STAB1: variants seen among roughly 807,000 people sequenced by gnomAD.
STAB1 encodes stabilin-1.
A neutral mutation model predicts 332.4 loss-of-function variants in STAB1; 250 were observed. That is an observed-to-expected ratio of 0.75 (90% confidence interval 0.68 to 0.84). The LOEUF is 0.84. Ranked by LOEUF, STAB1 falls within the 40% of genes least tolerant of loss-of-function variation. STAB1 has a pLI of 0.00. For missense variants in STAB1, 3,249 were observed against 3,489.7 expected (o/e 0.93, Z 1.74); for synonymous variants, 1,475 against 1,390.4 (o/e 1.06, Z -1.35).
rs747000405 is a variant in STAB1 at position 52,501,225 on chromosome 3, G to A, written c.138G>A (p.Ser46=). ...TTFVTHVPCT[S]CAAIKKQTCP... ...TTGTCACTCATGTACCCTGCACCTC[G>A]TGCGCGGCCATCAAGAAGCAGACGT... is the stretch of plus-strand genomic sequence containing the variant. Residue 46 remains serine (S), a synonymous_variant, in exon 2 of 69, where the codon TCG becomes TCA. Coordinates refer to ENST00000321725, the MANE Select transcript of STAB1 (RefSeq NM_015136.3). 5.6e-6 allele frequency: 9 copies of A among 1,613,664 alleles called. No individual in the cohort carries two copies. In the Admixed American group the frequency reaches 6.7e-5, roughly 12 times the overall value.
At chr3:52,513,302 G>C in intron 30 of STAB1, 61 bp downstream of exon 30, 1 of 1,457,790 alleles carries the variant, frequency 6.9e-7, no homozygotes, top group South Asian at 1.3e-5. Context: ...GAGCCTGAGT[G>C]GCTGCAGGCT....
chr3:52,506,419 C>A (rs1380016398), intron 17 of STAB1, among the ~76,000 whole-genome samples, 169 bp downstream of exon 17: 2 of 152,208 alleles, frequency 1.3e-5, no homozygotes, highest in African/African-American at 2.4e-5. Flanking sequence ...TGCTGGGGCC[C>A]AATGAGAGTT....
chr3:52,501,114 A>G, intron 1 of STAB1, 52 bp from the exon 2 acceptor site: 3 of 1,593,610 alleles, frequency 1.9e-6, no homozygotes, highest in Non-Finnish European at 1.7e-6. Context: ...GGACAGGGTC[A>G]GGACTGGGCG....
At chr3:52,519,629 T>A in intron 50 of STAB1, 65 bp downstream of exon 50, 1 of 1,598,712 alleles carries the variant, frequency 6.3e-7, no homozygotes, top group Non-Finnish European at 8.6e-7. Flanking sequence ...TGCAAGTGTG[T>A]ATGCGTACCT....
intron 14 of STAB1, 72 bp downstream of exon 14, chr3:52,505,453 T>C: frequency 6.7e-7 from 1 of 1,497,368 alleles, no homozygotes; most frequent in East Asian, 2.4e-5. Context: ...TATCCCAGAT[T>C]CTGCCCCACA....
intron 7 of STAB1, 56 bp downstream of exon 7, chr3:52,503,165 G>A: frequency 6.6e-6 from 10 of 1,517,886 alleles, no homozygotes; most frequent in Non-Finnish European, 8.9e-6. Flanking sequence ...GGGGCTGGGA[G>A]AGCATCCTTT....
At chr3:52,509,603 T>C (rs1224961436) in intron 22 of STAB1, 3 of 593,890 alleles carry the variant, frequency 5.1e-6, no homozygotes, top group African/African-American at 3.7e-5. Flanking sequence ...GCTTAAAGTA[T>C]GCGGGACTTA....
intron 9 of STAB1, 37 bp from the exon 10 acceptor site, chr3:52,503,991 C>T (rs1325277843): frequency 1.1e-5 from 17 of 1,609,586 alleles, no homozygotes; most frequent in Non-Finnish European, 1.4e-5. Flanking sequence ...GGGGGGGCCT[C>T]AGCCTCCGCC....
chr3:52,516,481 G>A (rs764823715), intron 39 of STAB1, 30 bp downstream of exon 39: 3 of 1,613,534 alleles, frequency 1.9e-6, no homozygotes, highest in Non-Finnish European at 2.5e-6. Flanking sequence ...GAGGGGGCAG[G>A]TGGCTACTGA....
chr3:52,521,841 C>A lies in STAB1; in HGVS notation c.6164-3C>A. The A allele has an allele frequency of 6.3e-7, 1 of 1,593,898 alleles. No individual in the cohort carries two copies. Among genetic ancestry groups the A allele is most frequent in the Non-Finnish European group, 8.6e-7 (1 of 1,168,616 alleles). On this transcript the variant is annotated splice_polypyrimidine_tract_variant and splice_region_variant and intron_variant, in intron 57 of 68. Transcript: ENST00000321725. ...GTTCTGGGGGCTGGGCCCTGGGGGA[C>A]AGAGCTGCAGCCTGTGTGTACCCCA...
chr3:52,515,930 G>T, intron 37 of STAB1, 113 bp from the exon 38 acceptor site: 2 of 1,197,782 alleles, frequency 1.7e-6, no homozygotes. Flanking sequence ...CTGGGACTGG[G>T]GTTCTGAGGG....
chr3:52,519,561 G>A lies in STAB1; in HGVS notation c.5232G>A (p.Leu1744=), dbSNP rs775841832. 3 of 1,613,172 alleles carry A rather than the reference G, an allele frequency of 1.9e-6. No individual in the cohort carries two copies. Among genetic ancestry groups the A allele is most frequent in the Non-Finnish European group, 2.5e-6 (3 of 1,180,016 alleles). ...GTTACAAGATCTTCAGCGGCCTCCT[G>A]AAGGTACTGCTCCCGTGTGGGCCTG... ...GFGYKIFSGL[L]KVAGLLPLLR... is the part of the protein sequence containing the mutation. Residue 1744 remains leucine, a synonymous_variant, in exon 50 of 69, where the codon CTG becomes CTA. Coordinates refer to ENST00000321725, the MANE Select transcript of STAB1 (RefSeq NM_015136.3).
rs1575329247 is a variant in STAB1, at chr3:52,510,583, G to T, written c.2787+76G>T. On this transcript the variant is annotated intron_variant, in intron 25 of 68. Transcript: ENST00000321725. ...CCCTGCCCCATCTGACTCCTGGAAT[G>T]CAGAGTCAGGTGCTCAGGGTCTGGA... The T allele has an allele frequency of 3.3e-6, 5 of 1,521,332 alleles. No homozygotes were observed. In the East Asian group the frequency reaches 7.0e-5, roughly 21 times the overall value. 94.2% of individuals were successfully genotyped at this position (1,521,332 alleles called of 1,614,324 possible). A position where few individuals can be genotyped will look rare whatever the true frequency, so the allele number is the denominator to read the frequency against.
chr3:52,496,361 GGA>G, intron 1 of STAB1, among the ~76,000 whole-genome samples: 1 of 152,318 alleles, frequency 6.6e-6, no homozygotes. Context: ...TCTGCCTCCT[GGA>G]GCAGCAACCA....
At chr3:52,506,149 C>T (rs1166069482) in intron 16 of STAB1, 21 bp from the exon 17 acceptor site, 1 of 1,605,142 alleles carries the variant, frequency 6.2e-7, no homozygotes, top group East Asian at 2.2e-5. Flanking sequence ...CAGCCTAAAG[C>T]CACACTGTCC....
chr3:52,496,096 C>G (rs1343148791), intron 1 of STAB1, among the ~76,000 whole-genome samples: 2 of 152,216 alleles, frequency 1.3e-5, no homozygotes, highest in Admixed American at 1.3e-4. Context: ...GAACCCGAAG[C>G]CCTAGGATGA....
In STAB1 at chr3:52,518,830, G is replaced by A. The variant is rs773859123; in HGVS notation, c.4995G>A (p.Thr1665=). 3 of 1,608,240 alleles carry A rather than the reference G, an allele frequency of 1.9e-6. No homozygotes were observed. The highest frequency in any genetic ancestry group is 2.7e-5 in the African/African-American group (2 of 74,954). ...SEDLLEQGYA[T]ALSGHPLRFS... Reference sequence around the variant, plus strand: ...ACCTGCTGGAGCAGGGGTACGCCACGGCCCTCTCAGGGCACCCACTGCGCT... The same window carrying A: ...ACCTGCTGGAGCAGGGGTACGCCACAGCCCTCTCAGGGCACCCACTGCGCT... The change falls in exon 48 of 69, where the codon ACG becomes ACA. Residue 1665 remains threonine, a synonymous_variant. Coordinates refer to ENST00000321725, the MANE Select transcript of STAB1 (RefSeq NM_015136.3).
chr3:52,505,655 T>G lies in STAB1; in HGVS notation c.1582-13T>G. ...GCCATGCAACCCCCTGAGCCTCCCTTGCACCACCACAGAACTGTGGGCTGC... is the reference window on the plus strand; with the variant it reads ...GCCATGCAACCCCCTGAGCCTCCCTGGCACCACCACAGAACTGTGGGCTGC... On this transcript the variant is annotated splice_polypyrimidine_tract_variant and intron_variant, in intron 14 of 68. Coordinates refer to ENST00000321725, the MANE Select transcript of STAB1 (RefSeq NM_015136.3). The G allele has an allele frequency of 6.2e-7, 1 of 1,612,722 alleles. No homozygotes were observed. The highest frequency in any genetic ancestry group is 2.2e-5 in the East Asian group (1 of 44,878).
chr3:52,515,595 T>A, intron 37 of STAB1, 89 bp downstream of exon 37: 1 of 1,392,460 alleles, frequency 7.2e-7, no homozygotes, highest in Non-Finnish European at 1.0e-6. Context: ...GTTTGGATCT[T>A]AAGGACAGAG....
Sources: gnomAD v4.1 joint callset for allele counts (sites outside exome capture counted in the v4.1 genomes callset) on GRCh38, gnomAD v4.1.1 for gene constraint, MANE v1.5 for transcripts, NCBI Gene and HGNC (gene_info 2026-07-23, HGNC 2026-07-21) for gene names.